The following CADPS2 variants were observed in gnomAD, a reference collection of about 807,000 sequenced individuals.
The protein encoded by CADPS2 is calcium dependent secretion activator 2.
In CADPS2, 93 loss-of-function variants were observed where a neutral mutation model predicts 172.5. The ratio of observed to expected loss-of-function variants is 0.54; its 90% confidence interval spans 0.46 to 0.64. CADPS2 has a LOEUF of 0.64. Ranked by LOEUF, CADPS2 falls within the 30% of genes least tolerant of loss-of-function variation. The pLI, the probability that CADPS2 is intolerant of heterozygous loss-of-function variation, is 0.00. For missense variants in CADPS2, 1,420 were observed against 1,565.9 expected, an observed-to-expected ratio of 0.91 and a Z score of 1.57; for synonymous variants, 546 against 555.2, an observed-to-expected ratio of 0.98 and a Z score of 0.23.
intron 1 of CADPS2, among the ~76,000 whole-genome samples, chr7:122,875,754 C>T (rs1356222891): frequency 2.0e-5 from 3 of 152,046 alleles, no homozygotes; most frequent in Non-Finnish European, 2.9e-5. Flanking sequence ...AATAAAAATG[C>T]TTTATAACAT....
intron 6 of CADPS2, among the ~76,000 whole-genome samples, chr7:122,599,317 A>C (rs1353299191): frequency 6.6e-6 from 1 of 152,052 alleles, no homozygotes; most frequent in Non-Finnish European, 1.5e-5. Context: ...CAAACCAGAG[A>C]GAGGCTCCTG....
chr7:122,376,253 A>G (rs1347886607), intron 25 of CADPS2, among the ~76,000 whole-genome samples: 1 of 152,188 alleles, frequency 6.6e-6, no homozygotes, highest in Non-Finnish European at 1.5e-5. Flanking sequence ...TGAAATTAGT[A>G]TATCAGAGAG....
intron 3 of CADPS2, among the ~76,000 whole-genome samples, chr7:122,653,914 C>T (rs958020756): frequency 5.3e-5 from 8 of 152,086 alleles, no homozygotes; most frequent in Admixed American, 4.6e-4. Flanking sequence ...CTGCCTATTC[C>T]CTAAAACACA....
At chr7:122,632,658 T>A in intron 3 of CADPS2, among the ~76,000 whole-genome samples, 1 of 152,354 alleles carries the variant, frequency 6.6e-6, no homozygotes, top group Middle Eastern at 3.4e-3. Flanking sequence ...TGGTTGACTC[T>A]GTTGGTAATT....
intron 8 of CADPS2, among the ~76,000 whole-genome samples, chr7:122,536,957 G>C (rs539654408): frequency 1.3e-5 from 2 of 151,908 alleles, no homozygotes; most frequent in African/African-American, 4.8e-5. Context: ...ACTTATAAGC[G>C]GGAGATAAAT....
In CADPS2 at chr7:122,652,251, A is replaced by G. The variant is rs144879203; in HGVS notation, c.786+10986T>C. 1.9e-3 allele frequency among the ~76,000 whole-genome samples: 293 copies of G among 152,148 alleles called. 1 individual carries two copies. The highest frequency in any genetic ancestry group is 6.5e-3 in the African/African-American group (271 of 41,524). On this transcript the variant is annotated intron_variant, in intron 3 of 29. Transcript: ENST00000449022. ...TAGTGAAAACTCTCTCTCTCTCTCT[A>G]CATATATATATATGCTCTGCATGAT... is the stretch of plus-strand genomic sequence containing the variant.
chr7:122,520,133 G>C (rs1033133206), intron 8 of CADPS2, among the ~76,000 whole-genome samples: 1 of 151,896 alleles, frequency 6.6e-6, no homozygotes, highest in African/African-American at 2.4e-5. Context: ...AGAATGTTCC[G>C]TGACAGCAGG....
At chr7:122,369,155 T>TTTTTTTTTGGAAACA (rs1554469782) in intron 25 of CADPS2, among the ~76,000 whole-genome samples, 2 of 99,462 alleles carry the variant, frequency 2.0e-5, no homozygotes, top group Non-Finnish European at 3.9e-5. Flanking sequence ...TTTTTTTTTT[T>TTTTTTTTTGGAAACA]GAGTCTCGCT....
intron 1 of CADPS2, among the ~76,000 whole-genome samples, chr7:122,828,761 T>A (rs143497708): frequency 2.0e-5 from 3 of 152,210 alleles, no homozygotes; most frequent in African/African-American, 7.2e-5. Context: ...AGACTGTTTT[T>A]TCCCCTTTTA....
intron 6 of CADPS2, among the ~76,000 whole-genome samples, chr7:122,585,245 TG>T (rs1455825497): frequency 0.01 from 1,582 of 152,054 alleles, 24 homozygotes; most frequent in African/African-American, 0.035. Context: ...CCTGGAAAGT[TG>T]GGATTTATCA....
rs148682651 is a variant in CADPS2 at position 122,774,547 on chromosome 7, T to C, written c.340-37479A>G. ...GTTTGTTTAATAAAAGCATAGGTTA[T>C]AAATGTTCTACCAATTATGGTTTGC... is the stretch of plus-strand genomic sequence containing the variant. On this transcript the variant is annotated intron_variant, in intron 1 of 29. Transcript: ENST00000449022. 1.8e-3 allele frequency among the ~76,000 whole-genome samples: 267 copies of C among 152,274 alleles called. 1 individual carries two copies. The highest frequency in any genetic ancestry group is 6.0e-3 in the African/African-American group (251 of 41,576).
chr7:122,436,514 T>G, intron 17 of CADPS2: 1 of 276,352 alleles, frequency 3.6e-6, no homozygotes. Flanking sequence ...CATAAATACT[T>G]TTTTTTTCTT....
At chr7:122,404,920 T>G (rs752239117) in intron 20 of CADPS2, among the ~76,000 whole-genome samples, 2 of 151,850 alleles carry the variant, frequency 1.3e-5, no homozygotes, top group African/African-American at 2.4e-5. Flanking sequence ...GGTCAGGAGA[T>G]CGAGACCATC....
At chr7:122,329,508 GAA>G (rs1401061893) in intron 28 of CADPS2, among the ~76,000 whole-genome samples, 1 of 152,174 alleles carries the variant, frequency 6.6e-6, no homozygotes, top group African/African-American at 2.4e-5. Flanking sequence ...CAGAGCTGGT[GAA>G]AAGAGATTTA....
chr7:122,581,360 A>T, intron 6 of CADPS2, 70 bp from the exon 7 acceptor site: 1 of 1,171,286 alleles, frequency 8.5e-7, no homozygotes, highest in Non-Finnish European at 1.3e-6. Flanking sequence ...ATGTGTCTCC[A>T]TAGAAGGCAA....
At chr7:122,451,278 A>G in intron 15 of CADPS2, 96 bp downstream of exon 15, 1 of 515,252 alleles carries the variant, frequency 1.9e-6, no homozygotes, top group Non-Finnish European at 3.2e-6. Flanking sequence ...GATGATCTTG[A>G]GCGCTAGTAG....
intron 17 of CADPS2, among the ~76,000 whole-genome samples, chr7:122,433,987 A>G (rs2050314032): frequency 6.6e-6 from 1 of 152,196 alleles, no homozygotes; most frequent in Non-Finnish European, 1.5e-5. Flanking sequence ...GAGGTTAAGG[A>G]TCACCTAAGT....
intron 27 of CADPS2, among the ~76,000 whole-genome samples, chr7:122,359,106 G>C (rs955797328): frequency 6.6e-6 from 1 of 152,142 alleles, no homozygotes; most frequent in African/African-American, 2.4e-5. Flanking sequence ...AGTGGGTTTA[G>C]TGAATAAATT....
chr7:122,501,206 G>A (rs2059170174), intron 9 of CADPS2, among the ~76,000 whole-genome samples: 1 of 152,136 alleles, frequency 6.6e-6, no homozygotes, highest in Non-Finnish European at 1.5e-5. Flanking sequence ...AGTGAGTCAT[G>A]TTGGCACCAC....
Sources: allele counts gnomAD v4.1 joint callset (sites outside exome capture counted in the v4.1 genomes callset), GRCh38; gene constraint gnomAD v4.1.1; transcripts MANE v1.5; gene names NCBI Gene and HGNC (gene_info 2026-07-23, HGNC 2026-07-21).